Variants in DZIP3 observed in about 807,000 individuals in gnomAD.
DZIP3 encodes DAZ interacting zinc finger protein 3.
Under a neutral mutation model 162.0 loss-of-function variants are expected in DZIP3, and 118 were observed. That is an observed-to-expected ratio of 0.73 (90% CI 0.63 to 0.85). The LOEUF is 0.85. Ranked by LOEUF, DZIP3 falls within the 40% of genes least tolerant of loss-of-function variation. The pLI is 0.00. For synonymous variants in DZIP3, 438 were observed against 458.6 expected (o/e 0.96, Z 0.57); for missense variants, 1,331 against 1,407.0 (o/e 0.95, Z 0.86).
chr3:108,627,413 A>G (rs1941635918), intron 7 of DZIP3, among the ~76,000 whole-genome samples: 1 of 152,190 alleles, frequency 6.6e-6, no homozygotes, highest in Admixed American at 6.5e-5. Flanking sequence ...GTATTAATGA[A>G]TGGGGTATCC....
At chr3:108,674,307 G>T (rs1442511188) in intron 24 of DZIP3, 126 bp downstream of exon 24, 4 of 660,956 alleles carry the variant, frequency 6.1e-6, no homozygotes, top group East Asian at 6.1e-5. Flanking sequence ...AGCTCTTGTG[G>T]TTTTTTTGGG....
At chr3:108,611,403 TA>T in intron 4 of DZIP3, 74 bp downstream of exon 4, 1 of 1,552,144 alleles carries the variant, frequency 6.4e-7, no homozygotes, top group Non-Finnish European at 8.7e-7. Flanking sequence ...AAATTCTTTT[TA>T]AACCACACAG....
rs1196953918 is a variant in DZIP3 at position 108,693,618 on chromosome 3, C to T, written c.*265C>T. 6.6e-6 allele frequency: 1 copy of T among 152,090 alleles called. No homozygotes were observed. Among genetic ancestry groups the T allele is most frequent in the Non-Finnish European group, 1.5e-5 (1 of 67,992 alleles). 9.4% of individuals were successfully genotyped at this position (152,090 alleles called of 1,614,324 possible). A position where few individuals can be genotyped will look rare whatever the true frequency, so the allele number is the denominator to read the frequency against. On this transcript the variant is annotated 3_prime_UTR_variant, in exon 33 of 33. Coordinates refer to ENST00000361582, the MANE Select transcript of DZIP3 (RefSeq NM_014648.4). ...TACCACTGGACCTTGTCTAAAATTTCTTTGTGTTCCCAGTGTCTTGCCCAG... is the reference window on the plus strand; with the variant it reads ...TACCACTGGACCTTGTCTAAAATTTTTTTGTGTTCCCAGTGTCTTGCCCAG...
chr3:108,622,880 C>CTCTG (rs796232998), intron 5 of DZIP3, among the ~76,000 whole-genome samples: 124 of 53,086 alleles, frequency 2.3e-3, no homozygotes, highest in East Asian at 0.015. Flanking sequence ...CTCTCTCTCT[C>CTCTG]TGTGTGTGTG....
intron 18 of DZIP3, 62 bp from the exon 19 acceptor site, chr3:108,654,083 T>A (rs1255939245): frequency 3.2e-6 from 5 of 1,544,082 alleles, no homozygotes; most frequent in Non-Finnish European, 4.4e-6. Flanking sequence ...TTGGAAGCAA[T>A]AGCTTAGATG....
chr3:108,654,074 TG>T (rs1942997746), intron 18 of DZIP3, 70 bp from the exon 19 acceptor site: 4 of 1,509,014 alleles, frequency 2.7e-6, no homozygotes, highest in Non-Finnish European at 3.6e-6. Context: ...ATACTAACTT[TG>T]GAAGCAATAG....
chr3:108,646,565 C>G (rs533668228), intron 14 of DZIP3, 52 bp from the exon 15 acceptor site: 2 of 1,273,448 alleles, frequency 1.6e-6, no homozygotes, highest in African/African-American at 1.5e-5. Context: ...GCCAGACATT[C>G]ATTTGTTGCG....
intron 1 of DZIP3, among the ~76,000 whole-genome samples, chr3:108,597,262 T>G (rs1262605942): frequency 6.6e-6 from 1 of 152,334 alleles, no homozygotes; most frequent in Middle Eastern, 3.4e-3. Context: ...CTTTTTCTTT[T>G]TATACATTTC....
intron 7 of DZIP3, 109 bp from the exon 8 acceptor site, chr3:108,628,953 T>G: frequency 1.6e-6 from 1 of 624,714 alleles, no homozygotes; most frequent in Non-Finnish European, 2.7e-6. Flanking sequence ...ATGCCAGAGG[T>G]TATCACCACC....
Position 108,673,670 on chromosome 3 carries a change from AAAG to A in DZIP3, c.2590-405_2590-403del, listed in dbSNP as rs1944003426. Among the ~76,000 whole-genome samples, 2 of 151,962 alleles carry A rather than the reference AAAG, an allele frequency of 1.3e-5. 1 individual carries two copies. Among genetic ancestry groups the A allele is most frequent in the Admixed American group, 1.3e-4 (2 of 15,216 alleles). On this transcript the variant is annotated intron_variant, in intron 23 of 32. Coordinates refer to ENST00000361582, the MANE Select transcript of DZIP3 (RefSeq NM_014648.4). ...TATTATTACCTCTTCATCAATGACAAAAGAATAGATAGCAGGAGTGTTCTCAAA... is the reference window on the plus strand; with the variant it reads ...TATTATTACCTCTTCATCAATGACAAAATAGATAGCAGGAGTGTTCTCAAA...
At chr3:108,654,029 C>G (rs1431523722) in intron 18 of DZIP3, 116 bp from the exon 19 acceptor site, 2 of 1,074,470 alleles carry the variant, frequency 1.9e-6, no homozygotes, top group Non-Finnish European at 2.6e-6. Context: ...GATCATGAAC[C>G]CTTCTAATGC....
chr3:108,642,515 G>T lies in DZIP3; in HGVS notation c.1141+1G>T, dbSNP rs984308506. 6.9e-7 allele frequency: 1 copy of T among 1,449,728 alleles called. No individual in the cohort carries two copies. The highest frequency in any genetic ancestry group is 1.4e-5 in the African/African-American group (1 of 69,640). 89.8% of individuals were successfully genotyped at this position (1,449,728 alleles called of 1,614,324 possible). A position where few individuals can be genotyped will look rare whatever the true frequency, so the allele number is the denominator to read the frequency against. On this transcript the variant is annotated splice_donor_variant, in intron 13 of 32. Transcript: ENST00000361582. LOFTEE classifies it high-confidence loss of function. Reference sequence around the variant, plus strand: ...ATCAGTTTAAAATTTAATACAAAAGGTATTATTTTATTTTTATATGCCTTC... The same window carrying T: ...ATCAGTTTAAAATTTAATACAAAAGTTATTATTTTATTTTTATATGCCTTC...
chr3:108,597,838 ATTC>A (rs1193717318), intron 1 of DZIP3, among the ~76,000 whole-genome samples: 2 of 152,126 alleles, frequency 1.3e-5, no homozygotes, highest in Non-Finnish European at 2.9e-5. Flanking sequence ...GTGAATTGAT[ATTC>A]TTATATTTTC....
At position 108,675,782 on chromosome 3, in the gene DZIP3, A is replaced by G. The variant is rs1259609287; in HGVS notation, c.2694-4A>G. On this transcript the variant is annotated splice_polypyrimidine_tract_variant and splice_region_variant and intron_variant, in intron 24 of 32. Transcript: ENST00000361582. ...TTTCTTTTGTGTCTCCTTTTCTACAACAGCAACCTAGAATCACTTCAATTA... is the reference window on the plus strand; with the variant it reads ...TTTCTTTTGTGTCTCCTTTTCTACAGCAGCAACCTAGAATCACTTCAATTA... 1.9e-6 allele frequency: 3 copies of G among 1,592,820 alleles called. No individual in the cohort carries two copies.
chr3:108,624,317 GAT>G, intron 5 of DZIP3, 125 bp from the exon 6 acceptor site: 1 of 591,424 alleles, frequency 1.7e-6, no homozygotes, highest in Non-Finnish European at 3.0e-6. Flanking sequence ...TTAGATGACT[GAT>G]AATGTTTTGA....
At chr3:108,660,554 A>T (rs562358222) in intron 19 of DZIP3, among the ~76,000 whole-genome samples, 2 of 152,182 alleles carry the variant, frequency 1.3e-5, no homozygotes, top group East Asian at 1.9e-4. Flanking sequence ...AACCTAGGCA[A>T]TACCATTCAG....
At chr3:108,658,186 C>T (rs1943235006) in intron 19 of DZIP3, among the ~76,000 whole-genome samples, 2 of 152,198 alleles carry the variant, frequency 1.3e-5, no homozygotes, top group African/African-American at 4.8e-5. Flanking sequence ...ACAGAATATA[C>T]ATTTTTCTCA....
chr3:108,692,872 TATAAAA>T lies in DZIP3; in HGVS notation c.*7-483_*7-478del, dbSNP rs1241979126. 4.0e-5 allele frequency among the ~76,000 whole-genome samples: 6 copies of T among 149,282 alleles called. No individual in the cohort carries two copies. The South Asian group carries it at 6.3e-4, about 16-fold the overall frequency. ...TATTTGTATGTAATAAATTTTATTATATAAAAATAAGTTTTAATATATATTATATAA... is the reference window on the plus strand; with the variant it reads ...TATTTGTATGTAATAAATTTTATTATATAAGTTTTAATATATATTATATAA... On this transcript the variant is annotated intron_variant, in intron 32 of 32. Transcript: ENST00000361582.
chr3:108,610,121 GAGTT>G (rs1940617705), intron 3 of DZIP3, among the ~76,000 whole-genome samples: 1 of 152,188 alleles, frequency 6.6e-6, no homozygotes, highest in Non-Finnish European at 1.5e-5. Flanking sequence ...CCTTCATAGA[GAGTT>G]AGTAAACGGT....
Sources: allele counts gnomAD v4.1 joint callset (sites outside exome capture counted in the v4.1 genomes callset), GRCh38; gene constraint gnomAD v4.1.1; transcripts MANE v1.5; gene names NCBI Gene and HGNC (gene_info 2026-07-23, HGNC 2026-07-21).